The following RAB40C variants were observed in gnomAD, a reference collection of about 807,000 sequenced individuals.
RAB40C encodes RAB40C, member RAS oncogene family.
In RAB40C, 8 loss-of-function variants were observed where a neutral mutation model predicts 28.1. The ratio of observed to expected loss-of-function variants is 0.28; its 90% CI spans 0.17 to 0.51. The LOEUF (loss-of-function observed/expected upper bound fraction) is 0.51, where lower values mean the gene tolerates loss of function less well. Ranked by LOEUF, RAB40C falls within the 20% of genes least tolerant of loss-of-function variation. The pLI is 0.97. For synonymous variants in RAB40C, 201 were observed against 171.7 expected (o/e 1.17, Z -1.34); for missense variants, 288 against 405.9 (o/e 0.71, Z 2.50).
chr16:595,143 C>A (rs907974942), intron 1 of RAB40C, among the ~76,000 whole-genome samples: 8 of 152,146 alleles, frequency 5.3e-5, no homozygotes, highest in Non-Finnish European at 8.8e-5. Flanking sequence ...GGTTTTCCAG[C>A]AGGGTGGTGT....
chr16:620,186 A>C (rs969813476), intron 3 of RAB40C, among the ~76,000 whole-genome samples: 4 of 152,224 alleles, frequency 2.6e-5, no homozygotes, highest in African/African-American at 9.6e-5. Flanking sequence ...CGAGGTCAAG[A>C]GTTGGAGACC....
intron 1 of RAB40C, among the ~76,000 whole-genome samples, chr16:607,830 A>G (rs1179988277): frequency 6.6e-6 from 1 of 152,212 alleles, no homozygotes; most frequent in African/African-American, 2.4e-5. Context: ...CATCTGGTAA[A>G]GCAGACAAAA....
intron 5 of RAB40C, among the ~76,000 whole-genome samples, chr16:626,805 A>G (rs1476976172): frequency 1.3e-5 from 2 of 152,144 alleles, no homozygotes. Flanking sequence ...GGGCGTGGTG[A>G]CGCACACCTG....
intron 1 of RAB40C, among the ~76,000 whole-genome samples, chr16:603,051 A>G (rs35368117): frequency 0.22 from 33,906 of 152,160 alleles, 4,738 homozygotes; most frequent in East Asian, 0.6. Context: ...CGCTGAAGCA[A>G]TCCTCCTGCC....
chr16:592,994 C>T (rs1465704164), intron 1 of RAB40C, among the ~76,000 whole-genome samples: 2 of 152,222 alleles, frequency 1.3e-5, no homozygotes. Flanking sequence ...GGACCAGAGG[C>T]AGAGAGGAGA....
At chr16:620,624 C>CCCCCGACGGGCTCCA (rs2036691168) in intron 3 of RAB40C, among the ~76,000 whole-genome samples, 4 of 129,448 alleles carry the variant, frequency 3.1e-5, no homozygotes, top group African/African-American at 8.8e-5. Context: ...CCCAGCCCCC[C>CCCCCGACGGGCTCCA]CCGACGGGCT....
At chr16:620,869 A>G (rs1052535462) in intron 3 of RAB40C, among the ~76,000 whole-genome samples, 1 of 149,962 alleles carries the variant, frequency 6.7e-6, no homozygotes, top group Non-Finnish European at 1.5e-5. Flanking sequence ...CCCAGCTCCC[A>G]CACAGGGAGG....
At chr16:620,028 C>G (rs955941374) in intron 3 of RAB40C, among the ~76,000 whole-genome samples, 1 of 152,170 alleles carries the variant, frequency 6.6e-6, no homozygotes, top group Non-Finnish European at 1.5e-5. Context: ...GCAACATGGC[C>G]GTGATTCGTG....
intron 1 of RAB40C, among the ~76,000 whole-genome samples, chr16:593,386 C>T (rs1007320895): frequency 3.9e-5 from 6 of 152,262 alleles, no homozygotes; most frequent in Admixed American, 1.3e-4. Flanking sequence ...GAAGGACGTA[C>T]GTGTTAACCT....
At chr16:607,664 G>T (rs1346065252) in intron 1 of RAB40C, among the ~76,000 whole-genome samples, 2 of 152,054 alleles carry the variant, frequency 1.3e-5, no homozygotes, top group South Asian at 4.1e-4. Flanking sequence ...GGTGGTGGGC[G>T]CCTGTAGTCC....
chr16:600,375 G>A (rs2036223562), intron 1 of RAB40C, among the ~76,000 whole-genome samples: 1 of 152,230 alleles, frequency 6.6e-6, no homozygotes, highest in African/African-American at 2.4e-5. Flanking sequence ...AATAGTAATA[G>A]TAGCAAGTGC....
rs536866748 is a variant in RAB40C at position 601,515 on chromosome 16, C to T, written c.142+11082C>T. ...ACTCCGGGCAGGTCCCCGCCGCAGCCGCGTCAGCAGAGCAATGTGATCGTT... is the reference window on the plus strand; with the variant it reads ...ACTCCGGGCAGGTCCCCGCCGCAGCTGCGTCAGCAGAGCAATGTGATCGTT... On this transcript the variant is annotated intron_variant, in intron 1 of 5. Transcript: ENST00000248139. Among the ~76,000 whole-genome samples the T allele has an allele frequency of 5.3e-5, 8 of 152,174 alleles. No homozygotes were observed. The East Asian group carries it at 5.8e-4, about 11-fold the overall frequency.
intron 1 of RAB40C, among the ~76,000 whole-genome samples, chr16:593,983 AC>A (rs2036057787): frequency 6.6e-6 from 1 of 152,078 alleles, no homozygotes; most frequent in African/African-American, 2.4e-5. Flanking sequence ...TCAGGAGCGA[AC>A]CTGCAGTCAG....
chr16:611,596 G>A (rs549802783), intron 1 of RAB40C, among the ~76,000 whole-genome samples: 3 of 152,206 alleles, frequency 2.0e-5, no homozygotes, highest in East Asian at 1.9e-4. Flanking sequence ...GAGTGTGCAC[G>A]GGACAGCCGC....
rs370444305 is a variant in RAB40C at position 627,518 on chromosome 16, G to A, written c.742G>A (p.Gly248Arg). The stretch of plus-strand genomic sequence containing the variant: ...TTCCTACTCCCTGGCCAGCGGGGCC[G>A]GGGGCGGCGGCAGCAAGGGCAACAG... ...GRSYSLASGA[G>R]GGGSKGNSLK... is the part of the protein sequence containing the mutation. Residue 248 changes from glycine to arginine, a missense_variant, in exon 6 of 6, where the codon GGG becomes AGG. Physicochemically the swap from Gly to Arg is moderately radical, Grantham distance 125 (BLOSUM62 -2). Transcript: ENST00000248139. 1.1e-5 allele frequency: 18 copies of A among 1,613,474 alleles called. No homozygotes were observed. Among genetic ancestry groups the A allele is most frequent in the South Asian group, 5.5e-5 (5 of 91,056 alleles).
chr16:609,102 G>A (rs1315702858), intron 1 of RAB40C, among the ~76,000 whole-genome samples: 3 of 152,294 alleles, frequency 2.0e-5, no homozygotes, highest in Middle Eastern at 3.4e-3. Flanking sequence ...GTGACAGAAC[G>A]AGACACCTTC....
At chr16:620,152 T>C (rs1226330107) in intron 3 of RAB40C, among the ~76,000 whole-genome samples, 3 of 152,298 alleles carry the variant, frequency 2.0e-5, no homozygotes, top group East Asian at 3.9e-4. Flanking sequence ...CCCAGCACTT[T>C]GGGAGGCCAA....
chr16:615,975 A>G (rs988971621), intron 1 of RAB40C, among the ~76,000 whole-genome samples: 1 of 150,682 alleles, frequency 6.6e-6, no homozygotes, highest in Non-Finnish European at 1.5e-5. Flanking sequence ...AAAGAAAAAA[A>G]GGCCGGGTGC....
At chr16:609,067 G>A (rs1194160813) in intron 1 of RAB40C, among the ~76,000 whole-genome samples, 4 of 152,148 alleles carry the variant, frequency 2.6e-5, no homozygotes, top group South Asian at 2.1e-4. Context: ...GTGAGCCTTG[G>A]CCTCACCACT....
Sources: gnomAD v4.1 joint callset for allele counts (sites outside exome capture counted in the v4.1 genomes callset) on GRCh38, gnomAD v4.1.1 for gene constraint, MANE v1.5 for transcripts, NCBI Gene and HGNC (gene_info 2026-07-23, HGNC 2026-07-21) for gene names.